IQCJ: variants seen among roughly 807,000 people sequenced by gnomAD.
The protein encoded by IQCJ is IQ motif containing J.
In IQCJ, 9 loss-of-function variants were observed where a neutral mutation model predicts 11.0. The ratio of observed to expected loss-of-function variants is 0.82; its 90% confidence interval spans 0.49 to 1.43. The LOEUF is 1.43. Ranked by LOEUF, IQCJ falls within the 40% of genes most tolerant of loss-of-function variation. The pLI, the probability that IQCJ is intolerant of heterozygous loss-of-function variation, is 0.00. For synonymous variants in IQCJ, 55 were observed against 51.3 expected, an observed-to-expected ratio of 1.07 and a Z score of -0.31; for missense variants, 146 against 133.2, an observed-to-expected ratio of 1.10 and a Z score of -0.47.
At chr3:159,069,842 CTT>C (rs1491265327) in intron 1 of IQCJ, 29 of 387,546 alleles carry the variant, frequency 7.5e-5, no homozygotes, top group Non-Finnish European at 1.2e-4. Context: ...GCCCTCCTTT[CTT>C]GTGTGTGTGT....
chr3:159,198,566 A>G (rs1724129982), intron 1 of IQCJ, among the ~76,000 whole-genome samples: 1 of 152,228 alleles, frequency 6.6e-6, no homozygotes, highest in South Asian at 2.1e-4. Flanking sequence ...AAGGGAGTTC[A>G]GTGAAATAAA....
At chr3:159,161,691 T>C (rs1171982718) in intron 1 of IQCJ, among the ~76,000 whole-genome samples, 1 of 152,238 alleles carries the variant, frequency 6.6e-6, no homozygotes, top group Non-Finnish European at 1.5e-5. Flanking sequence ...TTAATCCATC[T>C]TGAATTAATT....
At chr3:159,190,020 A>G (rs1477790664) in intron 1 of IQCJ, among the ~76,000 whole-genome samples, 1 of 152,202 alleles carries the variant, frequency 6.6e-6, no homozygotes, top group Non-Finnish European at 1.5e-5. Flanking sequence ...TGAACCCTTA[A>G]TCATAAAGAT....
intron 1 of IQCJ, among the ~76,000 whole-genome samples, chr3:159,110,797 G>A (rs1250580525): frequency 6.6e-6 from 1 of 152,096 alleles, no homozygotes; most frequent in Admixed American, 6.5e-5. Flanking sequence ...CTGAGAATCG[G>A]GGATGTTTAA....
Position 159,180,373 on chromosome 3 carries a change from T to C in IQCJ, c.10-65470T>C, listed in dbSNP as rs1220304591. On this transcript the variant is annotated intron_variant, in intron 1 of 3. Coordinates refer to ENST00000397832, the MANE Select transcript of IQCJ (RefSeq NM_001042706.3). ...GTGCACACATAGGCAAATAGTATAA[T>C]TAATATGATTTTTAAAATTATCTGC... is the stretch of plus-strand genomic sequence containing the variant. Among the ~76,000 whole-genome samples, 4 of 150,932 alleles carry C rather than the reference T, an allele frequency of 2.7e-5. No individual in the cohort carries two copies. In the East Asian group the frequency reaches 7.7e-4, roughly 29 times the overall value.
chr3:159,181,403 T>A (rs576257891), intron 1 of IQCJ, among the ~76,000 whole-genome samples: 1,556 of 144,980 alleles, frequency 0.011, 37 homozygotes, highest in African/African-American at 0.038. Context: ...TGGTTTTAAC[T>A]TGTTAAAACC....
In IQCJ at chr3:159,245,166, C is replaced by T. The variant is rs148251704; in HGVS notation, c.10-677C>T. Among the ~76,000 whole-genome samples, 59 of 152,038 alleles carry T rather than the reference C, an allele frequency of 3.9e-4. 1 individual carries two copies. In the East Asian group the frequency reaches 9.9e-3, roughly 25 times the overall value. ...GTGGGCTATGGAGAAGAGGTTGCCA[C>T]GAGTTACTAAGAGACAAGAGAGAAG... On this transcript the variant is annotated intron_variant, in intron 1 of 3. Transcript: ENST00000397832.
chr3:159,071,222 A>G (rs1301726305), intron 1 of IQCJ, among the ~76,000 whole-genome samples: 1 of 152,044 alleles, frequency 6.6e-6, no homozygotes, highest in Non-Finnish European at 1.5e-5. Flanking sequence ...GTACAGTAAA[A>G]ATGCATTTCA....
At chr3:159,184,638 G>T (rs776937743) in intron 1 of IQCJ, among the ~76,000 whole-genome samples, 31 of 152,116 alleles carry the variant, frequency 2.0e-4, no homozygotes, top group Non-Finnish European at 3.7e-4. Context: ...AACTATTTTT[G>T]CACATTTCTT....
chr3:159,203,922 G>T (rs992345831), intron 1 of IQCJ, among the ~76,000 whole-genome samples: 2 of 152,122 alleles, frequency 1.3e-5, no homozygotes, highest in African/African-American at 2.4e-5. Context: ...TAAGAGGGCA[G>T]GTTCCTCAAG....
downstream of IQCJ, among the ~76,000 whole-genome samples, chr3:159,264,551 C>T (rs559037763): frequency 1.2e-4 from 19 of 152,308 alleles, no homozygotes; most frequent in East Asian, 5.8e-4. Flanking sequence ...CCCACCATAT[C>T]ATCATCCTTT....
At chr3:159,191,633 G>A (rs1281447433) in intron 1 of IQCJ, among the ~76,000 whole-genome samples, 1 of 152,162 alleles carries the variant, frequency 6.6e-6, no homozygotes, top group Non-Finnish European at 1.5e-5. Flanking sequence ...AGCCCTCCAA[G>A]TTGAGAAATA....
intron 1 of IQCJ, among the ~76,000 whole-genome samples, chr3:159,137,067 G>A (rs1326551812): frequency 6.6e-6 from 1 of 152,068 alleles, no homozygotes; most frequent in Non-Finnish European, 1.5e-5. Context: ...TTCGAGATAA[G>A]CCTGGCCAAC....
chr3:159,110,101 C>G (rs1718532209), intron 1 of IQCJ, among the ~76,000 whole-genome samples: 1 of 152,172 alleles, frequency 6.6e-6, no homozygotes, highest in South Asian at 2.1e-4. Context: ...CTTTCTATAG[C>G]TTTTTGAACA....
At chr3:159,255,196 T>C (rs111491990) in intron 3 of IQCJ, among the ~76,000 whole-genome samples, 8 of 152,220 alleles carry the variant, frequency 5.3e-5, no homozygotes, top group African/African-American at 1.7e-4. Flanking sequence ...TGAGAGTCTA[T>C]CTTCTCCTGG....
chr3:159,077,879 A>T (rs1716035908), intron 1 of IQCJ, among the ~76,000 whole-genome samples: 1 of 152,086 alleles, frequency 6.6e-6, no homozygotes, highest in Admixed American at 6.6e-5. Flanking sequence ...TAGTTTTTTT[A>T]AAAAATTAGT....
intron 1 of IQCJ, among the ~76,000 whole-genome samples, chr3:159,091,168 G>GAAA (rs1717250024): frequency 6.6e-6 from 1 of 151,702 alleles, no homozygotes; most frequent in South Asian, 2.1e-4. Context: ...TGATTAGAAA[G>GAAA]AATGCTCCTG....
intron 3 of IQCJ, among the ~76,000 whole-genome samples, chr3:159,260,826 A>G (rs1190329285): frequency 1.3e-5 from 2 of 152,182 alleles, no homozygotes; most frequent in African/African-American, 4.8e-5. Flanking sequence ...AAAAAACTCT[A>G]AAAGTATCTT....
Position 159,185,442 on chromosome 3 carries a change from C to T in IQCJ, c.10-60401C>T, listed in dbSNP as rs370257683. 1.4e-4 allele frequency among the ~76,000 whole-genome samples: 22 copies of T among 152,254 alleles called. 1 individual carries two copies. Among genetic ancestry groups the T allele is most frequent in the Admixed American group, 1.4e-3 (21 of 15,294 alleles). On this transcript the variant is annotated intron_variant, in intron 1 of 3. Transcript: ENST00000397832. ...GATAGAAAGGATCCTGAGTGCCAAT[C>T]CACTATATTCATCAAAGCTATGGTT...
Sources: allele counts gnomAD v4.1 joint callset (sites outside exome capture counted in the v4.1 genomes callset), GRCh38; gene constraint gnomAD v4.1.1; transcripts MANE v1.5; gene names NCBI Gene and HGNC (gene_info 2026-07-23, HGNC 2026-07-21).